Variants in NEB observed in about 807,000 individuals in gnomAD.
The protein encoded by NEB is nebulin, also known as nemaline myopathy type 2.
Under a neutral mutation model 952.2 loss-of-function variants are expected in NEB, and 512 were observed. That is an observed-to-expected ratio of 0.54 (90% CI 0.50 to 0.58). NEB has a LOEUF of 0.58. NEB is among the 20% of genes least tolerant of loss of function. The pLI is 0.00. For synonymous variants in NEB, 2,900 were observed against 3,149.8 expected (o/e 0.92, Z 2.66); for missense variants, 8,428 against 9,231.1 (o/e 0.91, Z 3.56).
intron 42 of NEB, 87 bp downstream of exon 42, chr2:151,665,246 C>T: frequency 8.0e-7 from 1 of 1,255,662 alleles, no homozygotes; most frequent in Non-Finnish European, 1.1e-6. Context: ...GAAAGAAACA[C>T]TGTAGGAGAC....
Position 151,643,158 on chromosome 2 carries a change from T to A in NEB, c.8152A>T (p.Met2718Leu), listed in dbSNP as rs767511888. The change falls in exon 58 of 182, where the codon ATG becomes TTG. Residue 2718 changes from methionine to leucine, a missense_variant. Physicochemically the swap from Met to Leu is conservative, Grantham distance 15. Transcript: ENST00000397345. ...MVLAKNNAIT[M>L]NHRLYTEAWD... ...ACAAACATAGGACTTACATGATTCA[T>A]GGTAATAGCATTGTTTTTTGCCAAA... is the stretch of plus-strand genomic sequence containing the variant. 6.1e-5 allele frequency: 98 copies of A among 1,611,644 alleles called. No individual in the cohort carries two copies. The highest frequency in any genetic ancestry group is 8.0e-5 in the Non-Finnish European group (94 of 1,178,076).
chr2:151,690,906 CA>C, intron 23 of NEB, 81 bp from the exon 24 acceptor site: 1 of 1,000,780 alleles, frequency 1.0e-6, no homozygotes, highest in South Asian at 1.4e-5. Context: ...GGTTCCAGGT[CA>C]AAACAGAGTT....
intron 164 of NEB, 65 bp from the exon 165 acceptor site, chr2:151,505,635 T>C: frequency 1.5e-6 from 2 of 1,342,996 alleles, no homozygotes; most frequent in Non-Finnish European, 2.1e-6. Flanking sequence ...CTTCCCAACA[T>C]GTACATGTTT....
At chr2:151,626,948 G>A (rs1322833804) in intron 70 of NEB, 54 bp downstream of exon 70, 30 of 1,575,556 alleles carry the variant, frequency 1.9e-5, no homozygotes, top group Non-Finnish European at 3.5e-6. Context: ...TTAACAATAG[G>A]TATCTTGAAT....
chr2:151,680,262 G>A (rs1272458356), intron 30 of NEB, among the ~76,000 whole-genome samples: 1 of 152,064 alleles, frequency 6.6e-6, no homozygotes, highest in Admixed American at 6.6e-5. Flanking sequence ...CTTGCAGTAG[G>A]AACCTCTGGG....
chr2:151,627,802 G>A lies in NEB; in HGVS notation c.9864C>T (p.Leu3288=), dbSNP rs775810612. 15 of 1,613,772 alleles carry A rather than the reference G, an allele frequency of 9.3e-6. No individual in the cohort carries two copies. The highest frequency in any genetic ancestry group is 6.7e-5 in the Admixed American group (4 of 60,002). ...YKYKDGYRKQ[L]GHHIGARNIE... ...TGTTCCGGGCTCCAATGTGGTGGCC[G>A]AGCTGCTTGCGGTAACCATCTTTGT... The change falls in exon 69 of 182, where the codon CTC becomes CTT. Residue 3288 remains leucine, a synonymous_variant. Transcript: ENST00000397345.
Position 151,570,149 on chromosome 2 carries a change from G to T in NEB, c.17362C>A (p.Gln5788Lys). 6.2e-7 allele frequency: 1 copy of T among 1,613,420 alleles called. No individual in the cohort carries two copies. The highest frequency in any genetic ancestry group is 8.5e-7 in the Non-Finnish European group (1 of 1,179,684). The change falls in exon 109 of 182, where the codon CAG becomes AAG. Residue 5788 changes from glutamine (Q) to lysine (K), a missense_variant. By Grantham distance (53) the Gln-to-Lys change is moderately conservative. Transcript: ENST00000397345. The part of the protein sequence containing the change: ...SDMDYRNYLH[Q>K]WTCMPDQNDV... ...TTCTGGTCGGGCATGCAGGTCCACTGGTGCAGGTAATTGCGGTAATCCATG... is the reference window on the plus strand; with the variant it reads ...TTCTGGTCGGGCATGCAGGTCCACTTGTGCAGGTAATTGCGGTAATCCATG...
intron 18 of NEB, 37 bp from the exon 19 acceptor site, chr2:151,694,666 T>A: frequency 6.6e-7 from 1 of 1,503,836 alleles, no homozygotes; most frequent in Non-Finnish European, 9.1e-7. Context: ...TTGGCAAAAG[T>A]GATATGCATG....
intron 58 of NEB, 100 bp downstream of exon 58, chr2:151,643,050 G>A (rs751690109): frequency 3.8e-4 from 510 of 1,332,252 alleles, no homozygotes; most frequent in Admixed American, 1.8e-4. Context: ...TTAGTACCAA[G>A]CAAAGGAATC....
At chr2:151,568,473 T>A in intron 111 of NEB, 56 bp from the exon 112 acceptor site, 1 of 1,533,026 alleles carries the variant, frequency 6.5e-7, no homozygotes, top group Non-Finnish European at 9.0e-7. Context: ...GAAAGCATCA[T>A]GTTGTCCAAG....
chr2:151,727,754 A>G lies in NEB; in HGVS notation c.231T>C (p.Asp77=), dbSNP rs1444458887. The G allele has an allele frequency of 6.2e-7, 1 of 1,613,566 alleles. No homozygotes were observed. Among genetic ancestry groups the G allele is most frequent in the Non-Finnish European group, 8.5e-7 (1 of 1,179,754 alleles). ...ERRKVIRKKV[D]PSKFMTPYIA... is the part of the protein sequence containing the mutation. ...TGTAGGGGGTCATGAACTTTGAAGG[A>G]TCCACTTTCTTCCGGATGACCTTCC... Residue 77 remains aspartate, a synonymous_variant, in exon 5 of 182, where the codon GAT becomes GAC. Transcript: ENST00000397345.
chr2:151,704,486 A>T (rs1223076168), intron 13 of NEB, among the ~76,000 whole-genome samples: 4 of 151,150 alleles, frequency 2.6e-5, no homozygotes, highest in African/African-American at 7.3e-5. Flanking sequence ...GTTTGATCTC[A>T]GACTGCTGTG....
chr2:151,630,883 T>A (rs1283708536), intron 66 of NEB, 64 bp from the exon 67 acceptor site: 2 of 1,404,114 alleles, frequency 1.4e-6, no homozygotes, highest in Non-Finnish European at 9.6e-7. Flanking sequence ...AAAGTTCATT[T>A]AAAACTGTTA....
Position 151,565,060 on chromosome 2 carries a change from C to A in NEB, c.18455G>T (p.Gly6152Val). 6.3e-7 allele frequency: 1 copy of A among 1,578,282 alleles called. No homozygotes were observed. The highest frequency in any genetic ancestry group is 8.7e-7 in the Non-Finnish European group (1 of 1,150,584). ...AGAACTTACAGTACTGTAGAGTTTT[C>A]CCATGTCTTTGGAGTGGGAGATATG... ...TPHISHSKDM[G>V]KLYSTILYKG... is the part of the protein sequence containing the mutation. The change falls in exon 117 of 182, where the codon GGA becomes GTA. Residue 6152 changes from glycine (G) to valine (V), a missense_variant. Transcript: ENST00000397345.
At chr2:151,561,563 A>T (rs1366199646) in intron 121 of NEB, among the ~76,000 whole-genome samples, 15 of 146,154 alleles carry the variant, frequency 1.0e-4, no homozygotes. Context: ...CCCTGACAGC[A>T]GCCCCTCACT....
At chr2:151,636,121 C>A (rs554175385) in intron 64 of NEB, 106 bp downstream of exon 64, 2 of 935,142 alleles carry the variant, frequency 2.1e-6, no homozygotes, top group Non-Finnish European at 1.6e-6. Flanking sequence ...ACAAATATAT[C>A]AGGATATATT....
rs536920694 is a variant in NEB, at chr2:151,617,503, G to A, written c.11077-35C>T. The A allele has an allele frequency of 3.0e-4, 363 of 1,227,306 alleles. 1 individual carries two copies. The East Asian group carries it at 6.0e-3, about 20-fold the overall frequency. 76.0% of individuals were successfully genotyped at this position (1,227,306 alleles called of 1,614,324 possible). Reference sequence around the variant, plus strand: ...AAAAAAAAAAAGAGAGAGAGAGAGAGAAAAATTATTTTGGTGTTCACAGAT... The same window carrying A: ...AAAAAAAAAAAGAGAGAGAGAGAGAAAAAAATTATTTTGGTGTTCACAGAT... On this transcript the variant is annotated intron_variant, in intron 74 of 181. Coordinates refer to ENST00000397345, the MANE Select transcript of NEB (RefSeq NM_001164508.2).
intron 41 of NEB, 65 bp from the exon 42 acceptor site, chr2:151,665,604 G>T: frequency 7.4e-7 from 1 of 1,342,488 alleles, no homozygotes; most frequent in Non-Finnish European, 1.0e-6. Context: ...TTGGCTATGT[G>T]ATTTACTTAC....
chr2:151,696,816 T>C, intron 16 of NEB, 81 bp from the exon 17 acceptor site: 1 of 969,570 alleles, frequency 1.0e-6, no homozygotes, highest in Non-Finnish European at 1.6e-6. Context: ...AAATAGAACC[T>C]CATGCCCCAC....
Sources: allele counts gnomAD v4.1 joint callset (sites outside exome capture counted in the v4.1 genomes callset), GRCh38; gene constraint gnomAD v4.1.1; transcripts MANE v1.5; gene names NCBI Gene and HGNC (gene_info 2026-07-23, HGNC 2026-07-21).